The following UBR4 variants were observed in gnomAD, a reference collection of about 807,000 sequenced individuals.
The protein encoded by UBR4 is ubiquitin protein ligase E3 component n-recognin 4.
A neutral mutation model predicts 575.6 loss-of-function variants in UBR4; 124 were observed. The ratio of observed to expected loss-of-function variants is 0.22; its 90% CI spans 0.19 to 0.25. The LOEUF is 0.25. UBR4 is among the 10% of genes least tolerant of loss of function. The pLI is 1.00. For missense variants in UBR4, 4,818 were observed against 6,478.8 expected (o/e 0.74, Z 8.80); for synonymous variants, 2,455 against 2,473.7 (o/e 0.99, Z 0.22).
chr1:19,177,930 G>A (rs2090449148), intron 18 of UBR4, among the ~76,000 whole-genome samples, 187 bp from the exon 19 acceptor site: 1 of 152,178 alleles, frequency 6.6e-6, no homozygotes, highest in African/African-American at 2.4e-5. Flanking sequence ...AGTCAGACTT[G>A]GCCAGCCAGG....
At chr1:19,197,377 C>A in intron 7 of UBR4, 112 bp from the exon 8 acceptor site, 40 of 1,464,994 alleles carry the variant, frequency 2.7e-5, no homozygotes, top group Non-Finnish European at 3.5e-5. Flanking sequence ...GCCTATAATT[C>A]CGACACTTCA....
rs377375081 is a variant in UBR4 at position 19,119,005 on chromosome 1, C to T, written c.10456-48G>A. ...AACAACTTAAAGCCCAAGGTGAAGT[C>T]TTATTGGAAAAGACTTTTGTCTTCT... On this transcript the variant is annotated intron_variant, in intron 70 of 105. Coordinates refer to ENST00000375254, the MANE Select transcript of UBR4 (RefSeq NM_020765.3). 5 of 1,585,936 alleles carry T rather than the reference C, an allele frequency of 3.2e-6. No homozygotes were observed. In the African/African-American group the frequency reaches 5.4e-5, roughly 17 times the overall value.
intron 70 of UBR4, 66 bp from the exon 71 acceptor site, chr1:19,119,023 TG>T: frequency 6.7e-7 from 1 of 1,482,080 alleles, no homozygotes; most frequent in Non-Finnish European, 9.4e-7. Context: ...AAAAGACTTT[TG>T]TCTTCTGCAT....
At position 19,162,458 on chromosome 1, in the gene UBR4, A is replaced by G. The variant is rs2087541714; in HGVS notation, c.4918T>C (p.Leu1640=). The change falls in exon 35 of 106, where the codon TTG becomes CTG. Residue 1640 remains leucine (L), a synonymous_variant. Transcript: ENST00000375254. The part of the protein sequence containing the change: ...IEVDSDWVEE[L]AVEEEDSQAE... Reference sequence around the variant, plus strand: ...TGGGAATCTTCCTCTTCCACCGCCAACTCCTCCACCCAGTCTGAGTCTACT... The same window carrying G: ...TGGGAATCTTCCTCTTCCACCGCCAGCTCCTCCACCCAGTCTGAGTCTACT... 1 of 1,613,256 alleles carries G rather than the reference A, an allele frequency of 6.2e-7. No individual in the cohort carries two copies. The highest frequency in any genetic ancestry group is 1.3e-5 in the African/African-American group (1 of 74,822).
At chr1:19,169,626 T>C (rs1395775663) in intron 26 of UBR4, 94 bp from the exon 27 acceptor site, 1 of 963,208 alleles carries the variant, frequency 1.0e-6, no homozygotes, top group African/African-American at 1.6e-5. Context: ...AAAGAAACAG[T>C]ACAGCCCAGG....
rs777519470 is a variant in UBR4 at position 19,168,106 on chromosome 1, A to G, written c.3820T>C (p.Cys1274Arg). 1 of 1,613,870 alleles carries G rather than the reference A, an allele frequency of 6.2e-7. No individual in the cohort carries two copies. The highest frequency in any genetic ancestry group is 1.7e-5 in the Admixed American group (1 of 60,006). ...GCAGCCAGGGGCAGACTTTGGCTACAGAGAGTCCCCAGGTGTGCAGCCTGC... is the reference window on the plus strand; with the variant it reads ...GCAGCCAGGGGCAGACTTTGGCTACGGAGAGTCCCCAGGTGTGCAGCCTGC... ...AVQAAHLGTL[C>R]SQSLPLAASL... The change falls in exon 28 of 106, where the codon TGT (cysteine) becomes CGT (arginine). Residue 1274 changes from cysteine (C) to arginine (R), a missense_variant. Physicochemically the swap from Cys to Arg is radical, Grantham distance 180 (BLOSUM62 -3). Coordinates refer to ENST00000375254, the MANE Select transcript of UBR4 (RefSeq NM_020765.3).
chr1:19,114,988 G>C, intron 74 of UBR4, 39 bp from the exon 75 acceptor site: 1 of 1,613,252 alleles, frequency 6.2e-7, no homozygotes, highest in Non-Finnish European at 8.5e-7. Context: ...AGGTGACAAG[G>C]CTGGGTGGGG....
intron 81 of UBR4, among the ~76,000 whole-genome samples, chr1:19,108,480 G>A (rs976126579): frequency 1.3e-5 from 2 of 152,072 alleles, no homozygotes; most frequent in Non-Finnish European, 2.9e-5. Context: ...TGCTGTACTT[G>A]GGGTGCAGCA....
chr1:19,162,820 A>G (rs2087606957), intron 34 of UBR4, among the ~76,000 whole-genome samples: 1 of 152,200 alleles, frequency 6.6e-6, no homozygotes, highest in Admixed American at 6.5e-5. Context: ...ACATGTATTC[A>G]TTCATTCTTA....
In UBR4 at chr1:19,139,950, G is replaced by A. The variant is rs184731170; in HGVS notation, c.8594-730C>T. ...AGCCAAGACAGCCACAGAGCACAGC[G>A]GGAACACGACTGGCACAACACAACA... On this transcript the variant is annotated intron_variant, in intron 58 of 105. Transcript: ENST00000375254. This position sits in a 1 kb window ranked among gnomAD's most constrained non-coding sequence, Gnocchi z 4.2. Among the ~76,000 whole-genome samples, 858 of 152,210 alleles carry A rather than the reference G, an allele frequency of 5.6e-3. 12 individuals are homozygous for A. The highest frequency in any genetic ancestry group is 0.02 in the African/African-American group (830 of 41,508).
intron 27 of UBR4, among the ~76,000 whole-genome samples, chr1:19,169,132 T>A (rs1289998736): frequency 6.6e-6 from 1 of 152,176 alleles, no homozygotes; most frequent in Non-Finnish European, 1.5e-5. Context: ...CCAGGTAATA[T>A]GCTAGGCACT....
intron 81 of UBR4, among the ~76,000 whole-genome samples, chr1:19,107,660 C>A (rs577847121): frequency 6.6e-6 from 1 of 152,138 alleles, no homozygotes; most frequent in South Asian, 2.1e-4. Flanking sequence ...TAGTATATGC[C>A]TGTAGTCCCA....
At chr1:19,123,496 G>A (rs1260781791) in intron 65 of UBR4, among the ~76,000 whole-genome samples, 1 of 147,660 alleles carries the variant, frequency 6.8e-6, no homozygotes, top group African/African-American at 2.5e-5. Context: ...CACAAACCAA[G>A]CTATTTCCTC....
chr1:19,128,961 G>A lies in UBR4; in HGVS notation c.9003+17C>T. 6.2e-7 allele frequency: 1 copy of A among 1,610,506 alleles called. No homozygotes were observed. The highest frequency in any genetic ancestry group is 8.5e-7 in the Non-Finnish European group (1 of 1,176,694). ...CCAATCATGACCTGACAGAGATCCAGGTGAGCTAAGAGATACCTGCATGTA... is the reference window on the plus strand; with the variant it reads ...CCAATCATGACCTGACAGAGATCCAAGTGAGCTAAGAGATACCTGCATGTA... On this transcript the variant is annotated intron_variant, in intron 61 of 105. Coordinates refer to ENST00000375254, the MANE Select transcript of UBR4 (RefSeq NM_020765.3).
chr1:19,152,619 C>A lies in UBR4; in HGVS notation c.6833-143G>T. 1 of 1,127,362 alleles carries A rather than the reference C, an allele frequency of 8.9e-7. No individual in the cohort carries two copies. Among genetic ancestry groups the A allele is most frequent in the Non-Finnish European group, 1.3e-6 (1 of 794,094 alleles). 69.8% of individuals were successfully genotyped at this position (1,127,362 alleles called of 1,614,324 possible). On this transcript the variant is annotated intron_variant, in intron 46 of 105. Coordinates refer to ENST00000375254, the MANE Select transcript of UBR4 (RefSeq NM_020765.3). This position sits in a 1 kb window ranked among gnomAD's most constrained non-coding sequence, Gnocchi z 4.4. ...TTATAACATTTGCATCGGCATGATG[C>A]CTACATGTGGTTAGCTCTCCAATGG...
At chr1:19,144,229 A>G in intron 54 of UBR4, 138 bp from the exon 55 acceptor site, 1 of 694,902 alleles carries the variant, frequency 1.4e-6, no homozygotes, top group Non-Finnish European at 2.4e-6. Flanking sequence ...CCAGCGGACC[A>G]AGTTCAGCAG....
intron 11 of UBR4, among the ~76,000 whole-genome samples, chr1:19,191,694 T>C (rs553604861): frequency 1.3e-5 from 2 of 152,230 alleles, no homozygotes; most frequent in East Asian, 3.9e-4. Context: ...AGGGATTGAA[T>C]GAAAAAATAA....
In UBR4 at chr1:19,143,455, CTGTATTG is replaced by C. The variant is rs547803652; in HGVS notation, c.8179+518_8179+524del. 2.1e-4 allele frequency among the ~76,000 whole-genome samples: 32 copies of C among 152,264 alleles called. 1 individual carries two copies. The East Asian group carries it at 2.1e-3, about 10-fold the overall frequency. ...GAATCGTAAAATGTTATGCCCTTGA[CTGTATTG>C]TGTATTGTGTATTGTGTACTGTGTA... is the stretch of plus-strand genomic sequence containing the variant. On this transcript the variant is annotated intron_variant, in intron 55 of 105. Coordinates refer to ENST00000375254, the MANE Select transcript of UBR4 (RefSeq NM_020765.3).
intron 55 of UBR4, among the ~76,000 whole-genome samples, 168 bp from the exon 56 acceptor site, chr1:19,141,945 T>C (rs959439959): frequency 6.6e-6 from 1 of 152,214 alleles, no homozygotes; most frequent in African/African-American, 2.4e-5. Flanking sequence ...TCTTACTTCT[T>C]GGACCTACAG....
Sources: gnomAD v4.1 joint callset for allele counts (sites outside exome capture counted in the v4.1 genomes callset) on GRCh38, gnomAD v4.1.1 for gene constraint, Gnocchi (gnomAD v3.1) non-coding constraint, MANE v1.5 for transcripts, NCBI Gene and HGNC (gene_info 2026-07-23, HGNC 2026-07-21) for gene names.